SPATA6L: variants seen among roughly 807,000 people sequenced by gnomAD.
The protein encoded by SPATA6L is spermatogenesis associated 6-like protein.
SPATA6L carries 68 observed loss-of-function variants against 49.2 expected under a neutral mutation model. That is an observed-to-expected ratio of 1.38 (90% confidence interval 1.14 to 1.69). The LOEUF is 1.69. Among genes scored for constraint, SPATA6L ranks in the 40% most tolerant of loss-of-function variants. The probability of loss-of-function intolerance (pLI) is 0.00; values close to 1 mark genes in which losing one functional copy is unlikely to be tolerated. For missense variants in SPATA6L, 668 were observed against 464.3 expected (o/e 1.44, Z -4.03); for synonymous variants, 198 against 165.7 (o/e 1.19, Z -1.50).
In SPATA6L at chr9:4,622,431, T is replaced by A. The variant is rs931917074; in HGVS notation, c.749A>T (p.Asp250Val). 1 of 1,613,330 alleles carries A rather than the reference T, an allele frequency of 6.2e-7. No homozygotes were observed. Residue 250 changes from aspartate (D) to valine (V), a missense_variant, in exon 7 of 12, where the codon GAC becomes GTC. Physicochemically the swap from Asp to Val is radical, Grantham distance 152. Coordinates refer to ENST00000682582, the MANE Select transcript of SPATA6L (RefSeq NM_001353486.2). ...RRSRRKSKFS[D>V]FPFPTRRASS... ...ACCTCTTCTCGTTGGAAACGGAAAG[T>A]CTGAAAACTTAGATTTTCTTCTAGA...
intron 9 of SPATA6L, among the ~76,000 whole-genome samples, chr9:4,612,693 T>C (rs1292832688): frequency 6.6e-6 from 1 of 152,214 alleles, no homozygotes; most frequent in South Asian, 2.1e-4. Context: ...GACTCTTTGT[T>C]TAATAGCTCA....
intron 11 of SPATA6L, among the ~76,000 whole-genome samples, chr9:4,601,547 T>A (rs12351583): frequency 0.17 from 25,521 of 152,116 alleles, 3,165 homozygotes; most frequent in East Asian, 0.33. Context: ...CTCTACGTGG[T>A]CAGACAATGG....
downstream of SPATA6L, among the ~76,000 whole-genome samples, chr9:4,598,200 C>T (rs911317839): frequency 2.6e-5 from 4 of 152,042 alleles, no homozygotes; most frequent in African/African-American, 9.7e-5. Context: ...TTCTTAGGAG[C>T]CTCTGCAAAC....
At chr9:4,607,595 CA>C in intron 9 of SPATA6L, among the ~76,000 whole-genome samples, 1 of 152,034 alleles carries the variant, frequency 6.6e-6, no homozygotes, top group Admixed American at 6.6e-5. Context: ...AGCAAATGCT[CA>C]GAGATTTTGT....
intron 3 of SPATA6L, among the ~76,000 whole-genome samples, chr9:4,646,027 G>A (rs371193054): frequency 1.1e-4 from 16 of 151,980 alleles, no homozygotes; most frequent in African/African-American, 1.2e-4. Flanking sequence ...TCTAGTTCAC[G>A]GGCCATACAA....
At chr9:4,606,193 A>C (rs867197600) in intron 9 of SPATA6L, among the ~76,000 whole-genome samples, 1 of 151,082 alleles carries the variant, frequency 6.6e-6, no homozygotes, top group Admixed American at 6.6e-5. Context: ...GTCTGAGATC[A>C]AACTGCAAGG....
chr9:4,662,780 G>A lies in SPATA6L; in HGVS notation c.40-744C>T. 6.2e-7 allele frequency: 1 copy of A among 1,605,290 alleles called. No homozygotes were observed. Among genetic ancestry groups the A allele is most frequent in the Non-Finnish European group, 8.5e-7 (1 of 1,179,940 alleles). ...GGGGCAGCGTGCGACCCCTTATGAAGCTGCTGGAGATCTCGGGACACGGCA... is the reference window on the plus strand; with the variant it reads ...GGGGCAGCGTGCGACCCCTTATGAAACTGCTGGAGATCTCGGGACACGGCA... On this transcript the variant is annotated intron_variant, in intron 1 of 11. Coordinates refer to ENST00000682582, the MANE Select transcript of SPATA6L (RefSeq NM_001353486.2). This position sits in a 1 kb window ranked among gnomAD's most constrained non-coding sequence, Gnocchi z 4.9.
At chr9:4,661,448 G>A (rs1053436944) in intron 2 of SPATA6L, among the ~76,000 whole-genome samples, 1 of 148,914 alleles carries the variant, frequency 6.7e-6, no homozygotes, top group Non-Finnish European at 1.5e-5. Flanking sequence ...TGAGGAAACA[G>A]TAAATCTGAA....
chr9:4,621,613 T>C (rs921633742), intron 7 of SPATA6L, among the ~76,000 whole-genome samples: 2 of 152,064 alleles, frequency 1.3e-5, no homozygotes, highest in Non-Finnish European at 2.9e-5. Context: ...CTCAGCCTCC[T>C]GAGTAGCTGG....
At chr9:4,661,456 G>A (rs1205042318) in intron 2 of SPATA6L, among the ~76,000 whole-genome samples, 2 of 147,874 alleles carry the variant, frequency 1.4e-5, no homozygotes, top group African/African-American at 5.2e-5. Flanking sequence ...CAGTAAATCT[G>A]AACAGCCTTT....
intron 6 of SPATA6L, among the ~76,000 whole-genome samples, chr9:4,623,673 G>A (rs572368801): frequency 6.6e-6 from 1 of 152,132 alleles, no homozygotes; most frequent in African/African-American, 2.4e-5. Flanking sequence ...TTGGCACATA[G>A]GAAAAGCTGT....
intron 4 of SPATA6L, among the ~76,000 whole-genome samples, chr9:4,631,623 AC>A (rs76294949): frequency 0.11 from 17,488 of 152,242 alleles, 1,450 homozygotes; most frequent in East Asian, 0.33. Context: ...AAGAAAAGCC[AC>A]ATGCTAGTGG....
chr9:4,662,190 C>A lies in SPATA6L; in HGVS notation c.40-154G>T. The stretch of plus-strand genomic sequence containing the variant: ...TGTACCTCCCAACGCCAACATCCTC[C>A]CCTCTGCTCTCCTCACATTGGAAAT... On this transcript the variant is annotated intron_variant, in intron 1 of 11. Coordinates refer to ENST00000682582, the MANE Select transcript of SPATA6L (RefSeq NM_001353486.2). The surrounding 1 kb of genome is among the most constrained non-coding windows in gnomAD (Gnocchi z 4.9). 1 of 1,441,432 alleles carries A rather than the reference C, an allele frequency of 6.9e-7. No homozygotes were observed. Among genetic ancestry groups the A allele is most frequent in the Non-Finnish European group, 9.1e-7 (1 of 1,101,312 alleles). 89.3% of individuals were successfully genotyped at this position (1,441,432 alleles called of 1,614,324 possible).
chr9:4,621,767 C>T (rs1398060271), intron 7 of SPATA6L, among the ~76,000 whole-genome samples: 1 of 152,254 alleles, frequency 6.6e-6, no homozygotes, highest in Middle Eastern at 3.4e-3. Flanking sequence ...GGATTACAGG[C>T]GTCAGTCACC....
rs1321340350 is a variant in SPATA6L at position 4,635,286 on chromosome 9, G to C, written c.340C>G (p.Leu114Val). 6.5e-7 allele frequency: 1 copy of C among 1,528,674 alleles called. No homozygotes were observed. Among genetic ancestry groups the C allele is most frequent in the African/African-American group, 1.5e-5 (1 of 68,816 alleles). 94.7% of individuals were successfully genotyped at this position (1,528,674 alleles called of 1,614,324 possible). ...CATGAATCACTTACTGGAAAACCCAGAGCCGTCTTCATGAGCACCTCCCTA... is the reference window on the plus strand; with the variant it reads ...CATGAATCACTTACTGGAAAACCCACAGCCGTCTTCATGAGCACCTCCCTA... ...RCREVLMKTA[L>V]GFPGIAPKIE... is the part of the protein sequence containing the mutation. The change falls in exon 4 of 12, where the codon CTG becomes GTG. Residue 114 changes from leucine (L) to valine (V), a missense_variant. Coordinates refer to ENST00000682582, the MANE Select transcript of SPATA6L (RefSeq NM_001353486.2).
rs1299111510 is a variant in SPATA6L at position 4,598,324 on chromosome 9, A to G, written c.*2487T>C. 6.6e-6 allele frequency among the ~76,000 whole-genome samples: 1 copy of G among 152,228 alleles called. No homozygotes were observed. The highest frequency in any genetic ancestry group is 1.5e-5 in the Non-Finnish European group (1 of 68,040). ...AGCAAGACAGATGGGAATTCTTTTT[A>G]TGATGTTTAATGACACAGATCTTCC... On this transcript the variant is annotated 3_prime_UTR_variant, in exon 12 of 12. Coordinates refer to ENST00000682582, the MANE Select transcript of SPATA6L (RefSeq NM_001353486.2).
At chr9:4,629,769 G>GTGTGTGTGTGTGTGTATATATATATA (rs1311805859) in intron 4 of SPATA6L, among the ~76,000 whole-genome samples, 2 of 101,922 alleles carry the variant, frequency 2.0e-5, no homozygotes, top group South Asian at 3.3e-4. Flanking sequence ...GTGTGTGTGT[G>GTGTGTGTGTGTGTGTATATATATATA]TATATATATA....
intron 5 of SPATA6L, 37 bp downstream of exon 5, chr9:4,629,054 C>G: frequency 1.4e-6 from 2 of 1,425,976 alleles, no homozygotes; most frequent in Non-Finnish European, 1.9e-6. Context: ...AAAAAAAAAT[C>G]CGGTCATTTC....
intron 3 of SPATA6L, among the ~76,000 whole-genome samples, chr9:4,648,523 A>G (rs1001975413): frequency 3.3e-5 from 5 of 151,564 alleles, no homozygotes; most frequent in Admixed American, 1.3e-4. Context: ...ACTCGGTGAA[A>G]CCCCGTCTCT....
Sources: allele counts gnomAD v4.1 joint callset (sites outside exome capture counted in the v4.1 genomes callset), GRCh38; gene constraint gnomAD v4.1.1; non-coding constraint Gnocchi (gnomAD v3.1); transcripts MANE v1.5; gene names NCBI Gene and HGNC (gene_info 2026-07-23, HGNC 2026-07-21).